The following FNBP1 variants were observed in gnomAD, a reference collection of about 807,000 sequenced individuals.
The protein encoded by FNBP1 is formin binding protein 1, also known as formin-binding protein 1.
A neutral mutation model predicts 90.6 loss-of-function variants in FNBP1; 26 were observed. The observed-to-expected ratio is 0.29, with a 90% CI of 0.21 to 0.40. The LOEUF is 0.40. FNBP1 is among the 10% of genes least tolerant of loss of function. The pLI, the probability that FNBP1 is intolerant of heterozygous loss-of-function variation, is 1.00. For missense variants in FNBP1, 635 were observed against 768.0 expected (o/e 0.83, Z 2.05); for synonymous variants, 260 against 265.2 (o/e 0.98, Z 0.19).
chr9:129,974,206 C>A (rs1368161564), intron 4 of FNBP1, among the ~76,000 whole-genome samples: 1 of 151,966 alleles, frequency 6.6e-6, no homozygotes, highest in Non-Finnish European at 1.5e-5. Flanking sequence ...TCGAAAAAAA[C>A]TCACTGGAAA....
intron 1 of FNBP1, among the ~76,000 whole-genome samples, chr9:130,036,651 C>T (rs779605061): frequency 6.6e-6 from 1 of 152,210 alleles, no homozygotes; most frequent in Non-Finnish European, 1.5e-5. Context: ...TGTTTCTCTT[C>T]TGAAGCAGTT....
chr9:130,027,809 GTC>G (rs1226953068), intron 1 of FNBP1, among the ~76,000 whole-genome samples: 1 of 152,018 alleles, frequency 6.6e-6, no homozygotes, highest in Non-Finnish European at 1.5e-5. Flanking sequence ...TTCTCCGTAT[GTC>G]TCTCTATGTG....
chr9:130,001,824 G>T (rs977583142), intron 1 of FNBP1, among the ~76,000 whole-genome samples: 5 of 151,980 alleles, frequency 3.3e-5, no homozygotes, highest in Non-Finnish European at 7.4e-5. Flanking sequence ...AGGAGTTCAA[G>T]GCCAGCCTGG....
chr9:129,932,801 A>G (rs1290516476), intron 6 of FNBP1, among the ~76,000 whole-genome samples: 1 of 151,946 alleles, frequency 6.6e-6, no homozygotes, highest in Non-Finnish European at 1.5e-5. Flanking sequence ...GTACCCAGCT[A>G]CCCTCAAAAA....
At position 129,966,412 on chromosome 9, in the gene FNBP1, G is replaced by A. The variant is rs553741176; in HGVS notation, c.346-7859C>T. Among the ~76,000 whole-genome samples, 5 of 152,250 alleles carry A rather than the reference G, an allele frequency of 3.3e-5. No individual in the cohort carries two copies. In the South Asian group the frequency reaches 1.0e-3, roughly 32 times the overall value. On this transcript the variant is annotated intron_variant, in intron 4 of 16. Coordinates refer to ENST00000446176, the MANE Select transcript of FNBP1 (RefSeq NM_015033.3). The surrounding 1 kb of genome is among the most constrained non-coding windows in gnomAD (Gnocchi z 4.3). Reference sequence around the variant, plus strand: ...ACCATGGACAGCCTCACCAGCCACGGTAAGCATGTTGGAAGATTTAAGAAA... The same window carrying A: ...ACCATGGACAGCCTCACCAGCCACGATAAGCATGTTGGAAGATTTAAGAAA...
chr9:130,039,435 G>A (rs2059629864), intron 1 of FNBP1, among the ~76,000 whole-genome samples: 1 of 152,184 alleles, frequency 6.6e-6, no homozygotes, highest in Admixed American at 6.5e-5. Flanking sequence ...AGCACTTTGG[G>A]AGGCCGAGGC....
chr9:129,943,715 G>T lies in FNBP1; in HGVS notation c.513+13645C>A, dbSNP rs1469057988. The stretch of plus-strand genomic sequence containing the variant: ...TTGCTTTTAAACTGCTATTGTGGTC[G>T]GGCACGGTAGCTGACGCCTGTAATC... On this transcript the variant is annotated intron_variant, in intron 6 of 16. Transcript: ENST00000446176. 2.0e-5 allele frequency among the ~76,000 whole-genome samples: 3 copies of T among 152,170 alleles called. No homozygotes were observed. In the South Asian group the frequency reaches 6.2e-4, roughly 32 times the overall value.
At chr9:129,905,722 A>G (rs907816121) in intron 12 of FNBP1, among the ~76,000 whole-genome samples, 1 of 152,176 alleles carries the variant, frequency 6.6e-6, no homozygotes. Context: ...TGTTTTTAAT[A>G]TGCATTCAGA....
chr9:129,991,265 G>A (rs1336606513), intron 2 of FNBP1, among the ~76,000 whole-genome samples: 1 of 148,742 alleles, frequency 6.7e-6, no homozygotes, highest in East Asian at 2.2e-4. Context: ...TCTAGGTCGT[G>A]GAAATGCAGA....
intron 11 of FNBP1, among the ~76,000 whole-genome samples, chr9:129,909,384 TTA>T (rs1044417960): frequency 2.0e-5 from 3 of 152,166 alleles, no homozygotes; most frequent in Non-Finnish European, 4.4e-5. Context: ...TTAATGAAAT[TTA>T]TGTTTCCTTA....
upstream of FNBP1, among the ~76,000 whole-genome samples, chr9:130,043,399 G>A (rs1035700891): frequency 2.0e-5 from 3 of 152,126 alleles, no homozygotes; most frequent in African/African-American, 7.2e-5. Flanking sequence ...CGGATCCCTA[G>A]GACTCCCCCT....
chr9:129,959,431 A>G (rs2047455958), intron 4 of FNBP1, among the ~76,000 whole-genome samples: 1 of 151,884 alleles, frequency 6.6e-6, no homozygotes, highest in Admixed American at 6.6e-5. Flanking sequence ...TCTACTAAAA[A>G]GACAAAAATC....
At chr9:129,932,530 C>T (rs375242731) in intron 6 of FNBP1, among the ~76,000 whole-genome samples, 4 of 152,178 alleles carry the variant, frequency 2.6e-5, no homozygotes, top group Admixed American at 2.6e-4. Flanking sequence ...CCTATTCACA[C>T]GTGAACACTT....
At chr9:129,958,197 C>T (rs902908634) in intron 5 of FNBP1, among the ~76,000 whole-genome samples, 7 of 151,762 alleles carry the variant, frequency 4.6e-5, no homozygotes, top group South Asian at 2.1e-4. Context: ...TTTGGGAGGC[C>T]GAGGTGGGCG....
intron 2 of FNBP1, among the ~76,000 whole-genome samples, chr9:129,991,131 T>TCA (rs1421338503): frequency 2.0e-5 from 3 of 151,930 alleles, no homozygotes; most frequent in Non-Finnish European, 4.4e-5. Context: ...AGACAGGGTT[T>TCA]CACCATGTTA....
intron 6 of FNBP1, among the ~76,000 whole-genome samples, chr9:129,947,984 T>TAAA (rs540379042): frequency 7.4e-6 from 1 of 135,034 alleles, no homozygotes; most frequent in Non-Finnish European, 1.6e-5. Context: ...CCCTTAAATT[T>TAAA]AAAAAAAAAA....
chr9:129,923,207 G>T (rs948463995), intron 10 of FNBP1, among the ~76,000 whole-genome samples: 2 of 151,712 alleles, frequency 1.3e-5, no homozygotes, highest in Non-Finnish European at 1.5e-5. Context: ...GTTTTTTTTG[G>T]TAAAATTAAG....
At chr9:129,927,942 C>T (rs1249612466) in intron 7 of FNBP1, among the ~76,000 whole-genome samples, 1 of 152,120 alleles carries the variant, frequency 6.6e-6, no homozygotes, top group Non-Finnish European at 1.5e-5. Flanking sequence ...ATTACTAACA[C>T]TATTTGTAAT....
rs549169547 is a variant in FNBP1, at chr9:129,889,639, T to A, written c.*900A>T. ...TTTCAGATGCTAATCCTGGGGCTCC[T>A]GGAAAGGAGAGGATGTTCGCTTTGC... is the stretch of plus-strand genomic sequence containing the variant. On this transcript the variant is annotated 3_prime_UTR_variant, in exon 17 of 17. Transcript: ENST00000446176. The A allele has an allele frequency of 3.1e-5, 7 of 225,992 alleles. No individual in the cohort carries two copies. The highest frequency in any genetic ancestry group is 1.3e-4 in the African/African-American group (6 of 44,622). 14.0% of individuals were successfully genotyped at this position (225,992 alleles called of 1,614,324 possible).
Sources: allele counts gnomAD v4.1 joint callset (sites outside exome capture counted in the v4.1 genomes callset), GRCh38; gene constraint gnomAD v4.1.1; non-coding constraint Gnocchi (gnomAD v3.1); transcripts MANE v1.5; gene names NCBI Gene and HGNC (gene_info 2026-07-23, HGNC 2026-07-21).